Variants in MATK observed in about 807,000 individuals in gnomAD.
MATK encodes megakaryocyte-associated tyrosine-protein kinase.
In MATK, 41 loss-of-function variants were observed where a neutral mutation model predicts 59.8. The ratio of observed to expected loss-of-function variants is 0.69; its 90% CI spans 0.53 to 0.89. The LOEUF is 0.89. MATK is among the 40% of genes least tolerant of loss of function. The pLI is 0.00. For synonymous variants in MATK, 308 were observed against 306.1 expected, an observed-to-expected ratio of 1.01 and a Z score of -0.06; for missense variants, 593 against 719.6, an observed-to-expected ratio of 0.82 and a Z score of 2.01.
intron 8 of MATK, 63 bp from the exon 9 acceptor site, chr19:3,779,860 C>T: frequency 9.9e-7 from 1 of 1,005,282 alleles, no homozygotes; most frequent in Non-Finnish European, 1.6e-6. Flanking sequence ...GACAGAGAGA[C>T]AGACGGACAG....
At position 3,779,599 on chromosome 19, in the gene MATK, G is replaced by T. The variant is rs762816997; in HGVS notation, c.861C>A (p.Asn287Lys). 6.2e-7 allele frequency: 1 copy of T among 1,612,040 alleles called. No individual in the cohort carries two copies. The highest frequency in any genetic ancestry group is 1.7e-5 in the Admixed American group (1 of 59,886). The stretch of plus-strand genomic sequence containing the variant: ...GGATCACGCCCAGGAGACGCACCAG[G>T]TTCTCGTGTTGCATCTTCCTGGGGG... Reference protein sequence around the residue: ...TAVMTKMQHENLVRLLGVILH... With the variant: ...TAVMTKMQHEKLVRLLGVILH... Residue 287 changes from asparagine to lysine, a missense_variant, in exon 10 of 14, where the codon AAC becomes AAA. Transcript: ENST00000310132.
upstream of MATK, chr19:3,786,438 G>GC: frequency 1.0e-6 from 1 of 970,598 alleles, no homozygotes; most frequent in Non-Finnish European, 1.2e-6. This position sits in a 1 kb window ranked among gnomAD's most constrained non-coding sequence, Gnocchi z 4.1. Context: ...CGCCTCCGCG[G>GC]CCCCCGGCGC....
chr19:3,798,125 C>A (rs966880587), intron 1 of MATK, among the ~76,000 whole-genome samples: 1 of 152,064 alleles, frequency 6.6e-6, no homozygotes, highest in African/African-American at 2.4e-5. Flanking sequence ...GCTGTTATAT[C>A]CTCTATGAGC....
Position 3,779,605 on chromosome 19 carries a change from G to A in MATK, c.855C>T (p.His285=), listed in dbSNP as rs369836671. 1.2e-5 allele frequency: 20 copies of A among 1,611,868 alleles called. No individual in the cohort carries two copies. In the African/African-American group the frequency reaches 1.6e-4, roughly 13 times the overall value. The change falls in exon 10 of 14, where the codon CAC becomes CAT. Residue 285 remains histidine, a synonymous_variant. Transcript: ENST00000310132. ...DETAVMTKMQ[H]ENLVRLLGVI... The stretch of plus-strand genomic sequence containing the variant: ...CGCCCAGGAGACGCACCAGGTTCTC[G>A]TGTTGCATCTTCCTGGGGGCGGTGG...
intron 1 of MATK, among the ~76,000 whole-genome samples, chr19:3,796,940 G>A (rs1455723472): frequency 6.6e-6 from 1 of 152,104 alleles, no homozygotes; most frequent in Non-Finnish European, 1.5e-5. Context: ...CTCATACTTT[G>A]CCTGTCCCAT....
At chr19:3,791,582 A>T (rs2037542450) in intron 1 of MATK, among the ~76,000 whole-genome samples, 1 of 151,518 alleles carries the variant, frequency 6.6e-6, no homozygotes, top group South Asian at 2.1e-4. Context: ...ACCTCAGGCG[A>T]TCTGCCCGCC....
chr19:3,783,072 G>A (rs3746115), intron 7 of MATK, 54 bp downstream of exon 7: 496,447 of 1,571,806 alleles, frequency 0.32, 80,317 homozygotes, highest in Admixed American at 0.46. Context: ...CCTTCCTCCC[G>A]GACTGGGCTA....
chr19:3,781,770 G>T, intron 7 of MATK, 98 bp from the exon 8 acceptor site: 2 of 950,094 alleles, frequency 2.1e-6, no homozygotes, highest in Non-Finnish European at 3.3e-6. Flanking sequence ...CTCTCACAGT[G>T]CTGCAGCTGT....
upstream of MATK, among the ~76,000 whole-genome samples, chr19:3,787,062 C>T (rs1216985384): frequency 1.3e-5 from 2 of 152,172 alleles, no homozygotes; most frequent in African/African-American, 2.4e-5. Context: ...TGGCCCCCAG[C>T]GATGGCTTTG....
At position 3,786,308 on chromosome 19, in the gene MATK, G is replaced by A. The variant is rs1568408608; in HGVS notation, c.-291C>T. On this transcript the variant is annotated 5_prime_UTR_variant, in exon 1 of 14. Transcript: ENST00000310132. The surrounding 1 kb of genome is among the most constrained non-coding windows in gnomAD (Gnocchi z 4.1). Reference sequence around the variant, plus strand: ...GTTTCCTCATTTTGGGGGCGAAGAAGGGTCGGGGAGTGGGGGAAAGCGGGA... The same window carrying A: ...GTTTCCTCATTTTGGGGGCGAAGAAAGGTCGGGGAGTGGGGGAAAGCGGGA... The A allele has an allele frequency of 2.0e-6, 2 of 984,790 alleles. No homozygotes were observed. Among genetic ancestry groups the A allele is most frequent in the Non-Finnish European group, 2.4e-6 (2 of 829,798 alleles). 61.0% of individuals were successfully genotyped at this position (984,790 alleles called of 1,614,324 possible).
rs1599201326 is a variant in MATK, at chr19:3,785,299, C to T, written c.-151-13G>A. 2.0e-6 allele frequency: 3 copies of T among 1,463,556 alleles called. No individual in the cohort carries two copies. Among genetic ancestry groups the T allele is most frequent in the Non-Finnish European group, 1.8e-6 (2 of 1,104,128 alleles). The allele number at this position is 1,463,556 out of a possible 1,614,324, so 90.7% of individuals were successfully genotyped here. On this transcript the variant is annotated splice_polypyrimidine_tract_variant and intron_variant, in intron 1 of 13. Coordinates refer to ENST00000310132, the MANE Select transcript of MATK (RefSeq NM_139355.3). Reference sequence around the variant, plus strand: ...TTCTTCCTGTTTTCTGGTTGGTAGGCAGGGGCAGGGTGGGGAAATAGGGAT... The same window carrying T: ...TTCTTCCTGTTTTCTGGTTGGTAGGTAGGGGCAGGGTGGGGAAATAGGGAT...
chr19:3,779,295 C>A, intron 11 of MATK, 83 bp downstream of exon 11: 1 of 1,574,920 alleles, frequency 6.3e-7, no homozygotes, highest in Non-Finnish European at 8.7e-7. Context: ...CTCCCTGCCC[C>A]GTGCCTCAGT....
chr19:3,784,809 G>T lies in MATK; in HGVS notation c.132+16C>A. ...AAGGACCCGGGGAGCAGAGGAAGCA[G>T]GCTAGACACACTCACCGTTGGCATC... On this transcript the variant is annotated intron_variant, in intron 3 of 13. Coordinates refer to ENST00000310132, the MANE Select transcript of MATK (RefSeq NM_139355.3). 1 of 1,549,108 alleles carries T rather than the reference G, an allele frequency of 6.5e-7. No individual in the cohort carries two copies. The highest frequency in any genetic ancestry group is 8.7e-7 in the Non-Finnish European group (1 of 1,144,160).
Position 3,795,955 on chromosome 19 carries a change from T to G in MATK, c.-58+5577A>C, listed in dbSNP as rs546239413. 5.3e-5 allele frequency among the ~76,000 whole-genome samples: 8 copies of G among 151,238 alleles called. No individual in the cohort carries two copies. The East Asian group carries it at 9.9e-4, about 19-fold the overall frequency. ...TTTTGTATTTTTAGTAGAGATGAGG[T>G]TTCACCATGTTGGCCAGGCTGGTCT... On this transcript the variant is annotated intron_variant, in intron 1 of 13. Coordinates refer to the MATK transcript ENST00000395045.
At chr19:3,778,650 C>T (rs1194687882) in intron 12 of MATK, 55 bp from the exon 13 acceptor site, 17 of 1,547,408 alleles carry the variant, frequency 1.1e-5, no homozygotes. Context: ...CTGCTCCAGC[C>T]CCTGCTTCCT....
chr19:3,801,246 A>T (rs2037640741), intron 1 of MATK, among the ~76,000 whole-genome samples: 1 of 152,146 alleles, frequency 6.6e-6, no homozygotes. Context: ...ATCACCTGAG[A>T]CACCTTCTCA....
intron 8 of MATK, 95 bp from the exon 9 acceptor site, chr19:3,779,892 T>A (rs2037375683): frequency 6.4e-6 from 5 of 786,274 alleles, no homozygotes; most frequent in Non-Finnish European, 1.1e-5. Flanking sequence ...CCGGTGCCCA[T>A]GTAACATTCA....
chr19:3,785,396 G>C (rs1435865963), intron 1 of MATK, 110 bp from the exon 2 acceptor site: 2 of 695,100 alleles, frequency 2.9e-6, no homozygotes, highest in East Asian at 6.0e-5. Context: ...CTGTAGCCCT[G>C]CTGGGCTCCT....
At chr19:3,789,153 CT>C, upstream of MATK, 1 of 595,318 alleles carries the variant, frequency 1.7e-6, no homozygotes, top group Non-Finnish European at 3.1e-6. Context: ...TGCAGCTGTC[CT>C]TCTGTCACAG....
Sources: gnomAD v4.1 joint callset for allele counts (sites outside exome capture counted in the v4.1 genomes callset) on GRCh38, gnomAD v4.1.1 for gene constraint, Gnocchi (gnomAD v3.1) non-coding constraint, MANE v1.5 for transcripts, NCBI Gene and HGNC (gene_info 2026-07-23, HGNC 2026-07-21) for gene names.